The following CACNA2D1 variants were observed in gnomAD, a reference collection of about 807,000 sequenced individuals.
CACNA2D1 encodes voltage-dependent calcium channel subunit alpha-2/delta-1.
A neutral mutation model predicts 171.5 loss-of-function variants in CACNA2D1; 53 were observed. That is an observed-to-expected ratio of 0.31 (90% CI 0.25 to 0.39). CACNA2D1 has a LOEUF of 0.39. Ranked by LOEUF, CACNA2D1 falls within the 10% of genes least tolerant of loss-of-function variation. The probability of loss-of-function intolerance (pLI) is 1.00; values close to 1 mark genes in which losing one functional copy is unlikely to be tolerated. For missense variants in CACNA2D1, 903 were observed against 1,299.8 expected (o/e 0.69, Z 4.69); for synonymous variants, 442 against 443.1 (o/e 1.00, Z 0.03).
chr7:82,080,685 C>T lies in CACNA2D1; in HGVS notation c.658+4084G>A, dbSNP rs550552438. The stretch of plus-strand genomic sequence containing the variant: ...GACATCTTTTATCGTATCTGGCAGC[C>T]CTACAGAAAAGTGACCTAAGGCCAT... On this transcript the variant is annotated intron_variant, in intron 7 of 38. Transcript: ENST00000356860. Among the ~76,000 whole-genome samples, 140 of 152,222 alleles carry T rather than the reference C, an allele frequency of 9.2e-4. 1 individual carries two copies. In the South Asian group the frequency reaches 0.018, roughly 19 times the overall value.
At chr7:82,304,005 A>C (rs367835620) in intron 3 of CACNA2D1, among the ~76,000 whole-genome samples, 7 of 152,152 alleles carry the variant, frequency 4.6e-5, no homozygotes, top group African/African-American at 1.7e-4. Flanking sequence ...AACTCAAACA[A>C]TTCAACAGTT....
At chr7:82,414,762 A>G (rs1828002830) in intron 1 of CACNA2D1, among the ~76,000 whole-genome samples, 1 of 152,232 alleles carries the variant, frequency 6.6e-6, no homozygotes, top group Admixed American at 6.5e-5. Context: ...CAGCACTAAC[A>G]GCTCAAAGTG....
chr7:82,199,360 G>A (rs76569034), intron 3 of CACNA2D1, among the ~76,000 whole-genome samples: 2 of 151,828 alleles, frequency 1.3e-5, no homozygotes, highest in African/African-American at 2.4e-5. Flanking sequence ...TTATTACAAC[G>A]AATGTTAACT....
Position 82,005,505 on chromosome 7 carries a change from A to AG in CACNA2D1, c.1516-9dup. ...ATACCCATTGGGGCACAGCTGGAAAAGAAAAAAAAAAAAAAGCTTGGATAT... is the reference window on the plus strand; with the variant it reads ...ATACCCATTGGGGCACAGCTGGAAAAGGAAAAAAAAAAAAAAGCTTGGATAT... On this transcript the variant is annotated splice_polypyrimidine_tract_variant and intron_variant, in intron 17 of 38. Transcript: ENST00000356860. The AG allele has an allele frequency of 1.9e-6, 3 of 1,541,612 alleles. No homozygotes were observed. Among genetic ancestry groups the AG allele is most frequent in the Non-Finnish European group, 2.7e-6 (3 of 1,129,754 alleles).
intron 18 of CACNA2D1, among the ~76,000 whole-genome samples, chr7:82,000,887 C>T (rs1453056357): frequency 7.5e-6 from 1 of 133,358 alleles, no homozygotes; most frequent in Non-Finnish European, 1.5e-5. Flanking sequence ...CCTCAGCCTC[C>T]CAAAGTGTTG....
chr7:82,110,894 C>T lies in CACNA2D1; in HGVS notation c.526+6150G>A, dbSNP rs144074456. On this transcript the variant is annotated intron_variant, in intron 6 of 38. Transcript: ENST00000356860. ...TTTATCGAGAGCACTCATTACACTACGATATACACTATTATTTTAATTGTT... is the reference window on the plus strand; with the variant it reads ...TTTATCGAGAGCACTCATTACACTATGATATACACTATTATTTTAATTGTT... Among the ~76,000 whole-genome samples, 234 of 152,198 alleles carry T rather than the reference C, an allele frequency of 1.5e-3. 2 individuals carry two copies. Among genetic ancestry groups the T allele is most frequent in the Middle Eastern group, 3.4e-3 (1 of 294 alleles).
In CACNA2D1 at chr7:82,026,479, A is replaced by G. The variant is rs73705443; in HGVS notation, c.1143+6318T>C. Among the ~76,000 whole-genome samples the G allele has an allele frequency of 4.4e-3, 669 of 151,892 alleles. 8 individuals carry two copies. The highest frequency in any genetic ancestry group is 0.016 in the African/African-American group (653 of 41,506). Reference sequence around the variant, plus strand: ...TAAGAGTACTGAGCATTTATATTTTACTAAATCTATCGAATTTCATTTTTA... The same window carrying G: ...TAAGAGTACTGAGCATTTATATTTTGCTAAATCTATCGAATTTCATTTTTA... On this transcript the variant is annotated intron_variant, in intron 12 of 38. Transcript: ENST00000356860.
intron 2 of CACNA2D1, among the ~76,000 whole-genome samples, chr7:82,336,895 ACCT>A (rs1818069849): frequency 6.6e-6 from 1 of 152,118 alleles, no homozygotes; most frequent in South Asian, 2.1e-4. Flanking sequence ...ATGCAGTCTA[ACCT>A]CCTTCCTGTG....
chr7:82,084,547 A>C (rs934554417), intron 7 of CACNA2D1, among the ~76,000 whole-genome samples: 13 of 152,202 alleles, frequency 8.5e-5, no homozygotes, highest in Non-Finnish European at 1.6e-4. Flanking sequence ...TCACAGCAGC[A>C]TGGCCTGATT....
intron 12 of CACNA2D1, among the ~76,000 whole-genome samples, chr7:82,019,926 C>T (rs1800979859): frequency 6.6e-6 from 1 of 151,990 alleles, no homozygotes; most frequent in African/African-American, 2.4e-5. Flanking sequence ...TGGCATTAAG[C>T]CTATGAAAAT....
intron 3 of CACNA2D1, among the ~76,000 whole-genome samples, chr7:82,197,310 C>A (rs1025809321): frequency 6.6e-6 from 1 of 151,902 alleles, no homozygotes; most frequent in Non-Finnish European, 1.5e-5. Flanking sequence ...ACCCTATCAG[C>A]GGTTCTCTGA....
At chr7:82,009,891 CT>C (rs1182049242) in intron 15 of CACNA2D1, among the ~76,000 whole-genome samples, 2 of 152,036 alleles carry the variant, frequency 1.3e-5, no homozygotes, top group African/African-American at 4.8e-5. Flanking sequence ...TGTCATATCT[CT>C]TTTTATAAAG....
At position 81,968,975 on chromosome 7, in the gene CACNA2D1, T is replaced by TA. The variant is rs762936617; in HGVS notation, c.2309-3dup. The TA allele has an allele frequency of 4.4e-3, 6,102 of 1,378,354 alleles. No individual in the cohort carries two copies. Among genetic ancestry groups the TA allele is most frequent in the Non-Finnish European group, 5.0e-3 (5,026 of 998,324 alleles). 85.4% of individuals were successfully genotyped at this position (1,378,354 alleles called of 1,614,324 possible). On this transcript the variant is annotated splice_region_variant and splice_polypyrimidine_tract_variant and intron_variant, in intron 28 of 38. Coordinates refer to ENST00000356860, the MANE Select transcript of CACNA2D1 (RefSeq NM_000722.4). ...ATTCATAGGCACCAGGTCCACTTTC[T>TA]AAAAAAAAAATAAATAAATAAAACA...
intron 6 of CACNA2D1, among the ~76,000 whole-genome samples, chr7:82,113,862 G>T (rs1276438376): frequency 6.6e-6 from 1 of 152,100 alleles, no homozygotes; most frequent in Non-Finnish European, 1.5e-5. Context: ...AGGAGTACAG[G>T]CCAGGAAAGG....
At chr7:81,993,786 A>C (rs1051609579) in intron 20 of CACNA2D1, among the ~76,000 whole-genome samples, 1 of 152,124 alleles carries the variant, frequency 6.6e-6, no homozygotes, top group Non-Finnish European at 1.5e-5. Flanking sequence ...TAAGACAGGA[A>C]AATATAGTCT....
intron 3 of CACNA2D1, among the ~76,000 whole-genome samples, chr7:82,278,555 C>CT (rs1809657689): frequency 3.1e-5 from 2 of 64,800 alleles, no homozygotes; most frequent in Admixed American, 1.7e-4. Flanking sequence ...GAGACTCTGT[C>CT]TTAAAAAAAA....
At chr7:82,226,661 A>G (rs1228150764) in intron 3 of CACNA2D1, among the ~76,000 whole-genome samples, 1 of 152,192 alleles carries the variant, frequency 6.6e-6, no homozygotes, top group Non-Finnish European at 1.5e-5. Context: ...TGATCCATAG[A>G]TGAAAAAGCA....
intron 6 of CACNA2D1, among the ~76,000 whole-genome samples, chr7:82,088,237 G>C (rs913545484): frequency 6.6e-6 from 1 of 151,954 alleles, no homozygotes; most frequent in Non-Finnish European, 1.5e-5. Context: ...TCTATTCTTA[G>C]ACAGTATTTT....
chr7:82,226,680 C>A (rs1295189782), intron 3 of CACNA2D1, among the ~76,000 whole-genome samples: 1 of 152,070 alleles, frequency 6.6e-6, no homozygotes, highest in Admixed American at 6.6e-5. Flanking sequence ...CAATTAATAT[C>A]CTATAGGAAG....
Sources: gnomAD v4.1 joint callset for allele counts (sites outside exome capture counted in the v4.1 genomes callset) on GRCh38, gnomAD v4.1.1 for gene constraint, MANE v1.5 for transcripts, NCBI Gene and HGNC (gene_info 2026-07-23, HGNC 2026-07-21) for gene names.